The following USP9X variants were observed in gnomAD, a reference collection of about 807,000 sequenced individuals.
The protein encoded by USP9X is ubiquitin specific peptidase 9 X-linked, also known as ubiquitin carboxyl-terminal hydrolase 9X.
In USP9X, 7 loss-of-function variants were observed where a neutral mutation model predicts 190.3. The ratio of observed to expected loss-of-function variants is 0.04; its 90% CI spans 0.02 to 0.07. The LOEUF (loss-of-function observed/expected upper bound fraction) is 0.07, where lower values mean the gene tolerates loss of function less well. USP9X is among the 10% of genes least tolerant of loss of function. USP9X has a pLI of 1.00. For missense variants in USP9X, 1,010 were observed against 1,916.9 expected (o/e 0.53, Z 8.83); for synonymous variants, 645 against 659.5 (o/e 0.98, Z 0.34).
intron 32 of USP9X, among the ~76,000 whole-genome samples, chrX:41,210,218 A>G (rs1300285326): frequency 8.9e-6 from 1 of 112,097 alleles, no homozygotes; most frequent in African/African-American, 3.2e-5. Flanking sequence ...ACCTGAAGCA[A>G]CCATCCTTCC....
chrX:41,151,189 G>T, intron 13 of USP9X, 132 bp downstream of exon 13: 3 of 610,185 alleles, frequency 4.9e-6, no homozygotes, highest in East Asian at 4.0e-5. Flanking sequence ...AGAAGTGTTT[G>T]GAACAAAAGA....
At chrX:41,111,938 C>T (rs754588084) in intron 1 of USP9X, among the ~76,000 whole-genome samples, 87 of 109,316 alleles carry the variant, frequency 8.0e-4, no homozygotes, top group African/African-American at 2.8e-3. Context: ...CTCCACGTCC[C>T]GGGTTCAAGC....
chrX:41,171,543 G>C, intron 20 of USP9X: 2 of 277,151 alleles, frequency 7.2e-6, no homozygotes, highest in East Asian at 1.7e-4. Context: ...ATTTGGTAGT[G>C]GGCATGGCAG....
intron 37 of USP9X, 141 bp downstream of exon 37, chrX:41,218,738 A>T: frequency 1.8e-6 from 1 of 548,832 alleles, no homozygotes; most frequent in Non-Finnish European, 2.9e-6. Context: ...AGTGAGTTCC[A>T]TTTAATATTA....
At chrX:41,114,408 A>C (rs746567302) in intron 1 of USP9X, among the ~76,000 whole-genome samples, 31 of 110,101 alleles carry the variant, frequency 2.8e-4, no homozygotes, top group Admixed American at 2.8e-3. Flanking sequence ...AGATGATGTA[A>C]TTTTACTTTA....
intron 4 of USP9X, among the ~76,000 whole-genome samples, chrX:41,132,221 A>G (rs991378763): frequency 1.9e-5 from 2 of 107,510 alleles, no homozygotes; most frequent in African/African-American, 3.4e-5. Context: ...TGCAGTCTCT[A>G]CCTCCTATGT....
At chrX:41,156,095 C>G (rs1188125711) in intron 14 of USP9X, among the ~76,000 whole-genome samples, 1 of 112,384 alleles carries the variant, frequency 8.9e-6, no homozygotes, top group Non-Finnish European at 1.9e-5. Context: ...CAGACCTTAA[C>G]AAAACAACCA....
chrX:41,122,993 A>T (rs1158828393), intron 1 of USP9X, among the ~76,000 whole-genome samples: 5 of 110,516 alleles, frequency 4.5e-5, no homozygotes, highest in Non-Finnish European at 9.5e-5. Flanking sequence ...TGGGGTTTAT[A>T]TGGGCACGGG....
chrX:41,135,058 TCTC>T (rs1354641486), intron 5 of USP9X, among the ~76,000 whole-genome samples: 3 of 112,167 alleles, frequency 2.7e-5, no homozygotes, highest in Non-Finnish European at 5.6e-5. Context: ...GGGTTTAATC[TCTC>T]CTCTGGGATC....
intron 26 of USP9X, among the ~76,000 whole-genome samples, chrX:41,192,201 A>G (rs2062942962): frequency 8.9e-6 from 1 of 112,072 alleles, no homozygotes; most frequent in Non-Finnish European, 1.9e-5. Context: ...ATTAAGTTCA[A>G]ACTTTTAAAT....
intron 33 of USP9X, among the ~76,000 whole-genome samples, chrX:41,214,078 C>T (rs1456973182): frequency 1.8e-5 from 2 of 112,354 alleles, no homozygotes; most frequent in Admixed American, 1.9e-4. Context: ...ATCCTGTACT[C>T]ATTTGTGTGT....
In USP9X at chrX:41,186,607, G is replaced by A. The variant is rs1475222947; in HGVS notation, c.3649G>A (p.Val1217Met). 4 of 1,209,386 alleles carry A rather than the reference G, an allele frequency of 3.3e-6. No individual in the cohort carries two copies. In the African/African-American group the frequency reaches 5.3e-5, roughly 16 times the overall value. ...NPSSECMLRN[V>M]SVRLAQQISD... ...ATCATCCGAGTGCATGCTTAGAAAT[G>A]TGTCAGTTCGTCTTGCTCAGCAGAT... Residue 1217 changes from valine to methionine, a missense_variant, in exon 24 of 45, where the codon GTG becomes ATG. Transcript: ENST00000378308.
intron 1 of USP9X, among the ~76,000 whole-genome samples, chrX:41,098,243 C>T (rs764598585): frequency 2.8e-5 from 3 of 106,629 alleles, no homozygotes; most frequent in African/African-American, 1.0e-4. Context: ...TGGGTTCAAG[C>T]GATTCTCCTG....
chrX:41,125,627 C>T (rs748413445), intron 2 of USP9X, among the ~76,000 whole-genome samples: 57 of 101,569 alleles, frequency 5.6e-4, no homozygotes, highest in Middle Eastern at 5.0e-3. Flanking sequence ...CTCCCTCCCC[C>T]CACACCCCTC....
chrX:41,150,872 A>G (rs772746305), intron 12 of USP9X, 49 bp from the exon 13 acceptor site: 1 of 1,082,527 alleles, frequency 9.2e-7, no homozygotes, highest in South Asian at 2.5e-5. Context: ...TGAAAATAAA[A>G]TTCTCCTGAG....
At chrX:41,206,624 G>A (rs2063098882) in intron 32 of USP9X, among the ~76,000 whole-genome samples, 1 of 110,997 alleles carries the variant, frequency 9.0e-6, no homozygotes, top group Non-Finnish European at 1.9e-5. Flanking sequence ...CTAGAGGCTT[G>A]ATCAGATTGT....
intron 32 of USP9X, among the ~76,000 whole-genome samples, chrX:41,205,873 T>C (rs2063088169): frequency 1.1e-5 from 1 of 91,515 alleles, no homozygotes; most frequent in African/African-American, 3.7e-5. Context: ...TTTTCTTTTT[T>C]TCTTTTTCTT....
At chrX:41,195,046 C>CTTTTTTTTTTTTTTTTTTTTTTTTTTT (rs931341447) in intron 26 of USP9X, among the ~76,000 whole-genome samples, 1 of 104,686 alleles carries the variant, frequency 9.6e-6, no homozygotes, top group African/African-American at 3.6e-5. Flanking sequence ...TTTTTTCTTT[C>CTTTTTTTTTTTTTTTTTTTTTTTTTTT]TTTTTTTTGG....
chrX:41,212,338 G>A (rs1386464709), intron 33 of USP9X, among the ~76,000 whole-genome samples: 4 of 106,592 alleles, frequency 3.8e-5, no homozygotes, highest in African/African-American at 1.4e-4. Flanking sequence ...AGGCCGCAGG[G>A]TCCTCTGCCT....
Sources: allele counts gnomAD v4.1 joint callset (sites outside exome capture counted in the v4.1 genomes callset), GRCh38; gene constraint gnomAD v4.1.1; transcripts MANE v1.5; gene names NCBI Gene and HGNC (gene_info 2026-07-23, HGNC 2026-07-21).